UNC13B: variants seen among roughly 807,000 people sequenced by gnomAD.
The protein encoded by UNC13B is protein unc-13 homolog B.
Under a neutral mutation model 211.0 loss-of-function variants are expected in UNC13B, and 144 were observed. The ratio of observed to expected loss-of-function variants is 0.68; its 90% CI spans 0.60 to 0.78. The LOEUF is 0.78. Ranked by LOEUF, UNC13B falls within the 30% of genes least tolerant of loss-of-function variation. The probability of loss-of-function intolerance (pLI) is 0.00; values close to 1 mark genes in which losing one functional copy is unlikely to be tolerated. For missense variants in UNC13B, 1,777 were observed against 2,002.0 expected (o/e 0.89, Z 2.14); for synonymous variants, 709 against 725.8 (o/e 0.98, Z 0.37).
chr9:35,272,734 G>A (rs1827963462), intron 7 of UNC13B, among the ~76,000 whole-genome samples: 1 of 152,202 alleles, frequency 6.6e-6, no homozygotes. Flanking sequence ...TTAGTTGAAT[G>A]ATAATTTATT....
At chr9:35,397,748 G>C (rs1835983619) in intron 30 of UNC13B, 36 bp downstream of exon 30, 1 of 1,607,998 alleles carries the variant, frequency 6.2e-7, no homozygotes, top group Non-Finnish European at 8.5e-7. Flanking sequence ...CAGAAAGAGA[G>C]TGGAAGACAT....
chr9:35,185,933 A>G (rs1296363), intron 1 of UNC13B, among the ~76,000 whole-genome samples: 1 of 144,278 alleles, frequency 6.9e-6, no homozygotes, highest in African/African-American at 2.5e-5. Context: ...AAGAAAAAAG[A>G]AAAAAAAAAA....
intron 1 of UNC13B, among the ~76,000 whole-genome samples, chr9:35,175,860 T>C (rs1165136751): frequency 1.2e-4 from 10 of 80,424 alleles, no homozygotes; most frequent in East Asian, 2.9e-4. Flanking sequence ...CTACTAAAAA[T>C]ATATAAAAAA....
chr9:35,242,829 T>G (rs2131555194), intron 5 of UNC13B, among the ~76,000 whole-genome samples: 1 of 152,326 alleles, frequency 6.6e-6, no homozygotes, highest in Admixed American at 6.5e-5. Context: ...TGTCACATGG[T>G]AATTCTACTT....
chr9:35,236,587 G>A lies in UNC13B; in HGVS notation c.270+1G>A. The A allele has an allele frequency of 6.2e-7, 1 of 1,612,854 alleles. No individual in the cohort carries two copies. The highest frequency in any genetic ancestry group is 8.5e-7 in the Non-Finnish European group (1 of 1,178,938). On this transcript the variant is annotated splice_donor_variant, in intron 4 of 39. Coordinates refer to ENST00000635942, the MANE Select transcript of UNC13B (RefSeq NM_001371189.2). LOFTEE classifies it high-confidence loss of function. Reference sequence around the variant, plus strand: ...GAAGACTATTCGTCAGTCGGATGAGGTCAGTCATTGCATTTTCTGTTTGGA... The same window carrying A: ...GAAGACTATTCGTCAGTCGGATGAGATCAGTCATTGCATTTTCTGTTTGGA...
chr9:35,381,614 C>G lies in UNC13B; in HGVS notation c.10550C>G (p.Ala3517Gly). The G allele has an allele frequency of 6.2e-7, 1 of 1,614,226 alleles. No individual in the cohort carries two copies. Among genetic ancestry groups the G allele is most frequent in the East Asian group, 2.2e-5 (1 of 44,892 alleles). ...AGTGGAGGAGTCCGCATCCCTGAAG[C>G]TCGAGGAGACGATGCCTGGAAGGTG... ...QGSGGVRIPE[A>G]RGDDAWKVYF... Residue 3517 changes from alanine (A) to glycine (G), a missense_variant, in exon 20 of 40, where the codon GCT (alanine) becomes GGT (glycine). Physicochemically the swap from Ala to Gly is moderately conservative, Grantham distance 60. Transcript: ENST00000635942.
chr9:35,399,735 G>A lies in UNC13B; in HGVS notation c.12336+6G>A. 3.1e-6 allele frequency: 5 copies of A among 1,614,050 alleles called. No homozygotes were observed. Among genetic ancestry groups the A allele is most frequent in the Non-Finnish European group, 4.2e-6 (5 of 1,179,976 alleles). ...TCGCCCTGGACACCATCAAGGTGGA[G>A]GCCCCCCCTTTTTCAGACAGTCTTA... On this transcript the variant is annotated splice_donor_region_variant and intron_variant, in intron 36 of 39. Coordinates refer to ENST00000635942, the MANE Select transcript of UNC13B (RefSeq NM_001371189.2).
chr9:35,204,843 A>G (rs1702171283), intron 1 of UNC13B, among the ~76,000 whole-genome samples: 1 of 152,160 alleles, frequency 6.6e-6, no homozygotes, highest in African/African-American at 2.4e-5. Flanking sequence ...ATGTGTTAAG[A>G]CTTTGGAGGA....
At chr9:35,314,874 C>CTTTT (rs765803997) in intron 11 of UNC13B, among the ~76,000 whole-genome samples, 4 of 57,778 alleles carry the variant, frequency 6.9e-5, no homozygotes, top group African/African-American at 7.3e-5. Flanking sequence ...GATTCCGTAT[C>CTTTT]TTTTTTTTTT....
intron 5 of UNC13B, among the ~76,000 whole-genome samples, chr9:35,241,557 G>GCACACACACACA (rs3067420): frequency 3.6e-4 from 52 of 145,058 alleles, no homozygotes; most frequent in African/African-American, 1.0e-3. Flanking sequence ...CTGAATATAA[G>GCACACACACACA]CACACACACA....
chr9:35,194,621 C>G (rs965381846), intron 1 of UNC13B, among the ~76,000 whole-genome samples: 1 of 152,152 alleles, frequency 6.6e-6, no homozygotes, highest in Non-Finnish European at 1.5e-5. Context: ...TTTTAACTGG[C>G]TGACAGATGC....
intron 1 of UNC13B, among the ~76,000 whole-genome samples, chr9:35,202,498 G>T (rs947663837): frequency 6.6e-6 from 1 of 152,056 alleles, no homozygotes; most frequent in African/African-American, 2.4e-5. Flanking sequence ...CTCTTTGTAG[G>T]TCTCTAAGGA....
chr9:35,232,067 G>A (rs981631300), intron 3 of UNC13B, among the ~76,000 whole-genome samples: 1 of 151,300 alleles, frequency 6.6e-6, no homozygotes, highest in Non-Finnish European at 1.5e-5. Context: ...ATTTGAAACT[G>A]AACTGAAATC....
intron 7 of UNC13B, among the ~76,000 whole-genome samples, chr9:35,268,831 T>C (rs1451097363): frequency 1.3e-5 from 2 of 152,228 alleles, no homozygotes; most frequent in African/African-American, 2.4e-5. Context: ...ACTGTGTGTA[T>C]ACTGCTTTTA....
rs377073203 is a variant in UNC13B at position 35,399,188 on chromosome 9, G to A, written c.12102G>A (p.Glu4034=). ...TCACCCTCTTTGCCACTGTGTGTGA[G>A]AAGACGGTTCTGAAGCGTGTACTGA... ...GNLTLFATVC[E]KTVLKRVLKE... is the part of the protein sequence containing the mutation. Residue 4034 remains glutamate, a synonymous_variant, in exon 34 of 40, where the codon GAG becomes GAA. Transcript: ENST00000635942. 6.2e-7 allele frequency: 1 copy of A among 1,614,176 alleles called. No homozygotes were observed. The highest frequency in any genetic ancestry group is 8.5e-7 in the Non-Finnish European group (1 of 1,180,030).
intron 11 of UNC13B, among the ~76,000 whole-genome samples, chr9:35,338,240 G>T (rs1322461631): frequency 6.6e-6 from 1 of 152,194 alleles, no homozygotes; most frequent in Non-Finnish European, 1.5e-5. Context: ...TAGCTGGCCA[G>T]TTCCAAGAAG....
chr9:35,400,159 G>C, intron 36 of UNC13B, 137 bp from the exon 37 acceptor site: 1 of 1,244,880 alleles, frequency 8.0e-7, no homozygotes, highest in Non-Finnish European at 1.1e-6. Flanking sequence ...ACTCATCCAA[G>C]AGCCTATGCT....
At chr9:35,297,711 G>T (rs12376433) in intron 8 of UNC13B, among the ~76,000 whole-genome samples, 34,117 of 151,480 alleles carry the variant, frequency 0.23, 4,102 homozygotes, top group Non-Finnish European at 0.28. Flanking sequence ...CACCGTGCCC[G>T]GCTAATTTTT....
intron 1 of UNC13B, among the ~76,000 whole-genome samples, chr9:35,168,285 A>G (rs1821152191): frequency 6.6e-6 from 1 of 152,172 alleles, no homozygotes; most frequent in Non-Finnish European, 1.5e-5. Context: ...CAGGTTTGTT[A>G]CATGGGTAAA....
Sources: allele counts gnomAD v4.1 joint callset (sites outside exome capture counted in the v4.1 genomes callset), GRCh38; gene constraint gnomAD v4.1.1; transcripts MANE v1.5; gene names NCBI Gene and HGNC (gene_info 2026-07-23, HGNC 2026-07-21).